The following MYCBP2 variants were observed in gnomAD, a reference collection of about 807,000 sequenced individuals.
The protein encoded by MYCBP2 is E3 ubiquitin-protein ligase MYCBP2.
Under a neutral mutation model 525.3 loss-of-function variants are expected in MYCBP2, and 120 were observed. The ratio of observed to expected loss-of-function variants is 0.23; its 90% CI spans 0.20 to 0.27. The LOEUF (loss-of-function observed/expected upper bound fraction) is 0.27, where lower values mean the gene tolerates loss of function less well. Ranked by LOEUF, MYCBP2 falls within the 10% of genes least tolerant of loss-of-function variation. MYCBP2 has a pLI of 1.00. For missense variants in MYCBP2, 4,149 were observed against 5,657.1 expected, an observed-to-expected ratio of 0.73 and a Z score of 8.55; for synonymous variants, 1,894 against 1,955.8, an observed-to-expected ratio of 0.97 and a Z score of 0.83.
At chr13:77,143,430 C>G (rs1158353077) in intron 49 of MYCBP2, among the ~76,000 whole-genome samples, 1 of 152,154 alleles carries the variant, frequency 6.6e-6, no homozygotes, top group Admixed American at 6.5e-5. Context: ...CATTTGAACT[C>G]CAGGGTCCCC....
chr13:77,068,371 A>C (rs1449190236), intron 70 of MYCBP2, among the ~76,000 whole-genome samples, 194 bp downstream of exon 70: 1 of 150,910 alleles, frequency 6.6e-6, no homozygotes. Flanking sequence ...AATAAAATGG[A>C]ACATATTTTA....
chr13:77,110,504 G>A (rs1257791980), intron 55 of MYCBP2, among the ~76,000 whole-genome samples: 2 of 152,130 alleles, frequency 1.3e-5, no homozygotes, highest in Non-Finnish European at 2.9e-5. Context: ...TTTGCCCTCT[G>A]CCTTGTGATC....
chr13:77,139,144 T>C, intron 52 of MYCBP2, 52 bp downstream of exon 52: 10 of 1,566,778 alleles, frequency 6.4e-6, no homozygotes, highest in Admixed American at 1.9e-5. Context: ...GAAAGCTCTG[T>C]AAAACAAACA....
Position 77,164,502 on chromosome 13 carries a change from C to T in MYCBP2, c.6499G>A (p.Gly2167Arg). 1 of 1,613,572 alleles carries T rather than the reference C, an allele frequency of 6.2e-7. No individual in the cohort carries two copies. The highest frequency in any genetic ancestry group is 8.5e-7 in the Non-Finnish European group (1 of 1,179,522). Residue 2167 changes from glycine to arginine, a missense_variant, in exon 43 of 83, where the codon GGG (glycine) becomes AGG (arginine). By Grantham distance (125) the Gly-to-Arg change is moderately radical. Coordinates refer to ENST00000544440, the MANE Select transcript of MYCBP2 (RefSeq NM_015057.5). Reference protein sequence around the residue: ...QLEKELANLGGVCAAALMKKD... With the variant: ...QLEKELANLGRVCAAALMKKD... ...TTCATCAGAGCTGCTGCACAAACCC[C>T]ACCAAGATTGGCTAATTCTTTTTCC... is the stretch of plus-strand genomic sequence containing the variant.
intron 46 of MYCBP2, among the ~76,000 whole-genome samples, chr13:77,152,795 G>A (rs1364660906): frequency 6.6e-6 from 1 of 152,146 alleles, no homozygotes; most frequent in Non-Finnish European, 1.5e-5. Flanking sequence ...GCTGGGCGCG[G>A]TGGCTCACGC....
intron 18 of MYCBP2, among the ~76,000 whole-genome samples, chr13:77,232,588 G>A (rs1352363935): frequency 6.6e-6 from 1 of 152,100 alleles, no homozygotes; most frequent in African/African-American, 2.4e-5. Context: ...ACCATCACCA[G>A]GGACTAGAGA....
rs978539925 is a variant in MYCBP2, at chr13:77,327,081, C to T, written c.-306G>A. The T allele has an allele frequency of 4.1e-5, 18 of 436,394 alleles. No homozygotes were observed. Among genetic ancestry groups the T allele is most frequent in the Middle Eastern group, 5.6e-4 (1 of 1,774 alleles). The allele number at this position is 436,394 out of a possible 1,614,324, so 27.0% of individuals were successfully genotyped here. A position where few individuals can be genotyped will look rare whatever the true frequency, so the allele number is the denominator to read the frequency against. On this transcript the variant is annotated 5_prime_UTR_variant, in exon 1 of 83. Transcript: ENST00000544440. ...CACCGCCACCACCGCCGGGGCTACCCGCAATGGGAAGCTGCCGGCCTCACA... is the reference window on the plus strand; with the variant it reads ...CACCGCCACCACCGCCGGGGCTACCTGCAATGGGAAGCTGCCGGCCTCACA...
In MYCBP2 at chr13:77,148,946, A is replaced by C. The variant is rs187043750; in HGVS notation, c.7131+1788T>G. On this transcript the variant is annotated intron_variant, in intron 47 of 82. Coordinates refer to ENST00000544440, the MANE Select transcript of MYCBP2 (RefSeq NM_015057.5). ...CTTCTGGTAGAATGAAACAAGCACTACTCCTCCTCCTATTTAAGGCCAATG... is the reference window on the plus strand; with the variant it reads ...CTTCTGGTAGAATGAAACAAGCACTCCTCCTCCTCCTATTTAAGGCCAATG... 1.7e-3 allele frequency among the ~76,000 whole-genome samples: 256 copies of C among 151,876 alleles called. 4 individuals carry two copies. Among genetic ancestry groups the C allele is most frequent in the African/African-American group, 5.5e-3 (227 of 41,476 alleles).
chr13:77,045,823 G>T (rs2035454108), intron 82 of MYCBP2, among the ~76,000 whole-genome samples: 2 of 152,090 alleles, frequency 1.3e-5, no homozygotes, highest in Admixed American at 1.3e-4. Flanking sequence ...AACAAAAAAG[G>T]TCACAAAACC....
chr13:77,075,665 A>AT (rs1407238386), intron 68 of MYCBP2: 20 of 151,872 alleles, frequency 1.3e-4, no homozygotes, highest in Admixed American at 4.6e-4. Flanking sequence ...ATCTTTGTTG[A>AT]TTTCTTTTTG....
chr13:77,307,095 G>A (rs9600856), intron 1 of MYCBP2, among the ~76,000 whole-genome samples: 13,909 of 152,012 alleles, frequency 0.091, 807 homozygotes, highest in African/African-American at 0.16. Context: ...ATCAGAAAAA[G>A]AATCTGGAAT....
chr13:77,131,738 C>G (rs890743005), intron 52 of MYCBP2, among the ~76,000 whole-genome samples: 1 of 152,040 alleles, frequency 6.6e-6, no homozygotes, highest in African/African-American at 2.4e-5. Flanking sequence ...TATAAAATAA[C>G]ATTTCATTCT....
chr13:77,263,630 A>G (rs756617567), intron 10 of MYCBP2, 21 bp downstream of exon 10: 24 of 1,595,274 alleles, frequency 1.5e-5, no homozygotes, highest in Non-Finnish European at 1.8e-5. Context: ...TATAGGGAAA[A>G]CACTTAATTT....
intron 14 of MYCBP2, among the ~76,000 whole-genome samples, chr13:77,252,511 C>T (rs2071394522): frequency 6.6e-6 from 1 of 152,104 alleles, no homozygotes; most frequent in Non-Finnish European, 1.5e-5. Flanking sequence ...GACAGGAGAA[C>T]AAATCTGTGG....
intron 26 of MYCBP2, among the ~76,000 whole-genome samples, chr13:77,197,798 A>C (rs949429411): frequency 6.6e-6 from 1 of 152,188 alleles, no homozygotes; most frequent in Non-Finnish European, 1.5e-5. Flanking sequence ...GGAAGGAAAA[A>C]AAAAGACTGA....
Position 77,150,908 on chromosome 13 carries a change from A to G in MYCBP2, c.6957T>C (p.Ser2319=). 1.2e-6 allele frequency: 2 copies of G among 1,614,080 alleles called. No homozygotes were observed. Among genetic ancestry groups the G allele is most frequent in the South Asian group, 2.2e-5 (2 of 91,078 alleles). The change falls in exon 47 of 83, where the codon TCT becomes TCC. Residue 2319 remains serine, a synonymous_variant. Transcript: ENST00000544440. ...GTTTCTTTGCTTGATCTTGTTGTAAAGACATTTTTTTCTGAGAAACAGGGA... is the reference window on the plus strand; with the variant it reads ...GTTTCTTTGCTTGATCTTGTTGTAAGGACATTTTTTTCTGAGAAACAGGGA... The part of the protein sequence containing the change: ...KAVPVSQKKM[S]LQQDQAKKPQ...
intron 52 of MYCBP2, among the ~76,000 whole-genome samples, chr13:77,133,153 G>A (rs1167390246): frequency 1.3e-5 from 2 of 152,024 alleles, no homozygotes; most frequent in Non-Finnish European, 2.9e-5. Flanking sequence ...GAACATAAAT[G>A]CATGGGCTTT....
At chr13:77,096,863 G>C (rs374726501) in intron 56 of MYCBP2, among the ~76,000 whole-genome samples, 35 of 152,080 alleles carry the variant, frequency 2.3e-4, no homozygotes, top group South Asian at 2.1e-3. Context: ...TGTAGACAAA[G>C]AAAAAAATTA....
At chr13:77,070,829 A>G in intron 68 of MYCBP2, 118 bp from the exon 69 acceptor site, 1 of 580,284 alleles carries the variant, frequency 1.7e-6, no homozygotes, top group East Asian at 3.1e-5. Flanking sequence ...TTTTTAAAGT[A>G]AATTTATTTT....
Sources: allele counts gnomAD v4.1 joint callset (sites outside exome capture counted in the v4.1 genomes callset), GRCh38; gene constraint gnomAD v4.1.1; transcripts MANE v1.5; gene names NCBI Gene and HGNC (gene_info 2026-07-23, HGNC 2026-07-21).